Variants in DBF4B observed in about 807,000 individuals in gnomAD.
The protein encoded by DBF4B is DBF4B-CDC7 kinase regulatory subunit.
Under a neutral mutation model 53.4 loss-of-function variants are expected in DBF4B, and 49 were observed. The observed-to-expected ratio is 0.92, with a 90% confidence interval of 0.73 to 1.16. The LOEUF is 1.16. Among genes scored for constraint, DBF4B ranks in the 50% most tolerant of loss-of-function variants. The probability of loss-of-function intolerance (pLI) is 0.00; values close to 1 mark genes in which losing one functional copy is unlikely to be tolerated. For synonymous variants in DBF4B, 257 were observed against 288.7 expected (o/e 0.89, Z 1.11); for missense variants, 692 against 775.0 (o/e 0.89, Z 1.27).
chr17:44,724,370 AAAAG>A (rs1974112146), intron 3 of DBF4B, among the ~76,000 whole-genome samples: 1 of 152,136 alleles, frequency 6.6e-6, no homozygotes, highest in African/African-American at 2.4e-5. Context: ...GTCTCAAAAA[AAAAG>A]AGAAACTTTT....
At chr17:44,733,803 A>C (rs1197605299) in intron 6 of DBF4B, 1 of 394,746 alleles carries the variant, frequency 2.5e-6, no homozygotes, top group African/African-American at 2.0e-5. Context: ...GTGGTGCCTT[A>C]AAGTCCTTAG....
intron 2 of DBF4B, among the ~76,000 whole-genome samples, chr17:44,717,641 A>C (rs368124347): frequency 1.3e-5 from 2 of 151,298 alleles, no homozygotes; most frequent in South Asian, 4.2e-4. Flanking sequence ...TCCGGGAGGC[A>C]GAGGTTGGAC....
chr17:44,748,595 C>A, intron 13 of DBF4B, 130 bp downstream of exon 13: 1 of 1,534,360 alleles, frequency 6.5e-7, no homozygotes, highest in Non-Finnish European at 8.8e-7. Flanking sequence ...TTTGTGGACC[C>A]CCCAGGGATA....
chr17:44,720,952 A>G lies in DBF4B; in HGVS notation c.83-1928A>G, dbSNP rs192849409. Among the ~76,000 whole-genome samples, 446 of 149,838 alleles carry G rather than the reference A, an allele frequency of 3.0e-3. 2 individuals are homozygous for G. Among genetic ancestry groups the G allele is most frequent in the African/African-American group, 0.011 (436 of 40,632 alleles). On this transcript the variant is annotated intron_variant, in intron 2 of 13. Transcript: ENST00000315005. ...TAACTCTTAACTCACTGTAACCTCC[A>G]CCTCCTGGGTTCAAACAATTCTCCT...
intron 6 of DBF4B, chr17:44,733,548 G>T (rs1975046567): frequency 6.5e-6 from 1 of 153,756 alleles, no homozygotes; most frequent in Non-Finnish European, 1.4e-5. Context: ...GCTGACTGGG[G>T]CGCTGCCCCA....
chr17:44,716,953 T>C (rs77817246), intron 2 of DBF4B, among the ~76,000 whole-genome samples: 7,935 of 152,276 alleles, frequency 0.052, 269 homozygotes, highest in Non-Finnish European at 0.078. Flanking sequence ...TTTTGTAGCA[T>C]CTCTTGCCTG....
At chr17:44,729,721 CACACA>C (rs2144932844) in intron 3 of DBF4B, among the ~76,000 whole-genome samples, 179 bp from the exon 4 acceptor site, 1 of 143,520 alleles carries the variant, frequency 7.0e-6, no homozygotes, top group South Asian at 2.3e-4. Context: ...CACACACACA[CACACA>C]CCCCATTAGA....
intron 3 of DBF4B, among the ~76,000 whole-genome samples, chr17:44,727,864 ATTTTTTTTTTTTTTTT>A (rs756222247): frequency 9.4e-6 from 1 of 106,742 alleles, no homozygotes; most frequent in Non-Finnish European, 1.9e-5. Context: ...TGCCCGGGTA[ATTTTTTTTTTTTTTTT>A]TTTTTTTTTG....
intron 7 of DBF4B, among the ~76,000 whole-genome samples, chr17:44,735,485 A>C (rs999634639): frequency 6.6e-6 from 1 of 152,088 alleles, no homozygotes; most frequent in Non-Finnish European, 1.5e-5. Flanking sequence ...CCAGTTGGCC[A>C]ACATGGTGAA....
At chr17:44,726,095 T>C (rs1974301237) in intron 3 of DBF4B, among the ~76,000 whole-genome samples, 1 of 151,688 alleles carries the variant, frequency 6.6e-6, no homozygotes, top group African/African-American at 2.4e-5. Flanking sequence ...GTTCAAGCAA[T>C]TCTCCTGCCT....
At chr17:44,748,536 A>G (rs1336172934) in intron 13 of DBF4B, 71 bp downstream of exon 13, 2 of 1,602,938 alleles carry the variant, frequency 1.2e-6, no homozygotes, top group Admixed American at 1.7e-5. Context: ...CTGGTGAGGT[A>G]CCTGGACCTA....
chr17:44,736,849 A>G lies in DBF4B; in HGVS notation c.650A>G (p.Glu217Gly). The change falls in exon 8 of 14, where the codon GAG becomes GGG. Residue 217 changes from glutamate (E) to glycine (G), a missense_variant. By Grantham distance (98) the Glu-to-Gly change is moderately conservative. Coordinates refer to ENST00000315005, the MANE Select transcript of DBF4B (RefSeq NM_145663.3). ...KKPEGTCPAA[E>G]SRTRKVARLK... is the part of the protein sequence containing the mutation. Reference sequence around the variant, plus strand: ...ATTTAGGGAACATGTCCAGCAGCAGAGTCAAGAACACGGAAAGGTCAGTGT... The same window carrying G: ...ATTTAGGGAACATGTCCAGCAGCAGGGTCAAGAACACGGAAAGGTCAGTGT... The G allele has an allele frequency of 6.2e-7, 1 of 1,614,102 alleles. No individual in the cohort carries two copies. The highest frequency in any genetic ancestry group is 8.5e-7 in the Non-Finnish European group (1 of 1,179,990).
chr17:44,731,371 A>T lies in DBF4B; in HGVS notation c.468+356A>T, dbSNP rs576867029. On this transcript the variant is annotated intron_variant, in intron 5 of 13. Transcript: ENST00000315005. ...ACGCCTATAATCCCAGCACTTTGGG[A>T]GGCTGAGGTGGGTGGACCACTTGAG... 46 of 245,262 alleles carry T rather than the reference A, an allele frequency of 1.9e-4. No homozygotes were observed. The East Asian group carries it at 3.7e-3, about 20-fold the overall frequency. 15.2% of individuals were successfully genotyped at this position (245,262 alleles called of 1,614,324 possible).
intron 9 of DBF4B, 42 bp from the exon 10 acceptor site, chr17:44,741,294 C>T (rs989538712): frequency 6.8e-7 from 1 of 1,473,252 alleles, no homozygotes; most frequent in East Asian, 2.3e-5. Flanking sequence ...TCAGCCTTTA[C>T]CTTCCCCATT....
In DBF4B at chr17:44,747,136, G is replaced by A. The variant is rs2049120082; in HGVS notation, c.884G>A (p.Arg295Lys). 2 of 1,614,098 alleles carry A rather than the reference G, an allele frequency of 1.2e-6. No homozygotes were observed. The highest frequency in any genetic ancestry group is 1.1e-5 in the South Asian group (1 of 91,092). The change falls in exon 11 of 14, where the codon AGG (arginine) becomes AAG (lysine). Residue 295 changes from arginine to lysine, a missense_variant. Around this residue, in one of 3 missense-constraint regions of DBF4B, gnomAD observed 597 missense variants for 665.8 expected, o/e 0.90. Transcript: ENST00000315005. ...SPRSAAHTMPRRKKGYCECCQ... is the reference protein window; with the variant it reads ...SPRSAAHTMPKRKKGYCECCQ... Reference sequence around the variant, plus strand: ...CGATCAGCTGCCCACACCATGCCCAGGAGGAAGAAAGGCTACTGCGAGTGC... The same window carrying A: ...CGATCAGCTGCCCACACCATGCCCAAGAGGAAGAAAGGCTACTGCGAGTGC...
chr17:44,747,656 T>C, intron 12 of DBF4B, 141 bp downstream of exon 12: 3 of 1,212,760 alleles, frequency 2.5e-6, no homozygotes, highest in Non-Finnish European at 3.4e-6. Context: ...CCCCTTATCC[T>C]CAGTCCTGTT....
At chr17:44,720,285 A>G (rs1288423301) in intron 2 of DBF4B, 7 of 273,684 alleles carry the variant, frequency 2.6e-5, no homozygotes, top group Non-Finnish European at 4.3e-5. Flanking sequence ...GTGAAGTTTA[A>G]CCACCTGGGT....
At chr17:44,741,203 G>A (rs1004835527) in intron 9 of DBF4B, 133 bp from the exon 10 acceptor site, 1 of 681,854 alleles carries the variant, frequency 1.5e-6, no homozygotes, top group South Asian at 1.7e-5. Context: ...GATGAGTTTT[G>A]TTATAGAATT....
In DBF4B at chr17:44,722,867, T is replaced by C. The variant is rs199662446; in HGVS notation, c.83-13T>C. ...TCAAACTTCTTACTTTGCTCCTCTTTATTGTTTTCTAGGAGTTTCCAGGTG... is the reference window on the plus strand; with the variant it reads ...TCAAACTTCTTACTTTGCTCCTCTTCATTGTTTTCTAGGAGTTTCCAGGTG... On this transcript the variant is annotated splice_polypyrimidine_tract_variant and intron_variant, in intron 2 of 13. Coordinates refer to ENST00000315005, the MANE Select transcript of DBF4B (RefSeq NM_145663.3). 4.3e-6 allele frequency: 7 copies of C among 1,612,698 alleles called. No individual in the cohort carries two copies. The highest frequency in any genetic ancestry group is 5.9e-6 in the Non-Finnish European group (7 of 1,179,656).
Sources: allele counts gnomAD v4.1 joint callset (sites outside exome capture counted in the v4.1 genomes callset), GRCh38; gene constraint gnomAD v4.1.1; regional missense constraint gnomAD v4.1.1; transcripts MANE v1.5; gene names NCBI Gene and HGNC (gene_info 2026-07-23, HGNC 2026-07-21).